The following SDK1 variants were observed in gnomAD, a reference collection of about 807,000 sequenced individuals.
SDK1 encodes protein sidekick-1.
A neutral mutation model predicts 245.5 loss-of-function variants in SDK1; 157 were observed. The ratio of observed to expected loss-of-function variants is 0.64; its 90% CI spans 0.56 to 0.73. The LOEUF (loss-of-function observed/expected upper bound fraction) is 0.73. SDK1 is among the 30% of genes least tolerant of loss of function. The probability of loss-of-function intolerance (pLI) is 0.00; values close to 1 mark genes in which losing one functional copy is unlikely to be tolerated. For missense variants in SDK1, 3,583 were observed against 3,002.3 expected (o/e 1.19, Z -4.52); for synonymous variants, 1,647 against 1,278.5 (o/e 1.29, Z -6.15).
At chr7:4,050,963 A>C (rs1027200611) in intron 18 of SDK1, among the ~76,000 whole-genome samples, 1 of 141,150 alleles carries the variant, frequency 7.1e-6, no homozygotes, top group Non-Finnish European at 1.5e-5. Context: ...TATATATACT[A>C]TATATGTTAT....
intron 5 of SDK1, among the ~76,000 whole-genome samples, chr7:3,917,825 G>A (rs900120576): frequency 6.6e-6 from 1 of 152,102 alleles, no homozygotes; most frequent in Non-Finnish European, 1.5e-5. Context: ...TATGTAGATA[G>A]CGTGGCAAGT....
At chr7:4,059,104 A>G (rs1779378705) in intron 19 of SDK1, among the ~76,000 whole-genome samples, 1 of 152,206 alleles carries the variant, frequency 6.6e-6, no homozygotes, top group Non-Finnish European at 1.5e-5. Context: ...CCTTGAATTT[A>G]AATAGATTAA....
intron 28 of SDK1, among the ~76,000 whole-genome samples, chr7:4,141,087 C>T (rs1779555620): frequency 6.6e-6 from 1 of 152,204 alleles, no homozygotes; most frequent in South Asian, 2.1e-4. Context: ...GCAAGGACCA[C>T]ACACGAAAAA....
At chr7:4,047,352 C>G (rs1789096600) in intron 17 of SDK1, among the ~76,000 whole-genome samples, 1 of 152,178 alleles carries the variant, frequency 6.6e-6, no homozygotes, top group African/African-American at 2.4e-5. Context: ...CTCGCTTGAT[C>G]AGGCTAGACT....
intron 4 of SDK1, among the ~76,000 whole-genome samples, chr7:3,745,065 A>G (rs1463105855): frequency 1.3e-5 from 2 of 152,116 alleles, no homozygotes; most frequent in Admixed American, 1.3e-4. Flanking sequence ...GTCTCAAATG[A>G]AAAACTCACA....
chr7:3,786,077 A>G (rs1365823662), intron 4 of SDK1, among the ~76,000 whole-genome samples: 1 of 152,200 alleles, frequency 6.6e-6, no homozygotes, highest in East Asian at 1.9e-4. Context: ...TTGCAGTGAA[A>G]TAGAGAGAGC....
chr7:3,716,356 C>T (rs1785201574), intron 4 of SDK1, among the ~76,000 whole-genome samples: 2 of 152,088 alleles, frequency 1.3e-5, no homozygotes. Context: ...ACTTAAACTT[C>T]TGTGTTGAAA....
At chr7:4,151,458 T>A (rs996433701) in intron 30 of SDK1, among the ~76,000 whole-genome samples, 1 of 152,100 alleles carries the variant, frequency 6.6e-6, no homozygotes, top group Non-Finnish European at 1.5e-5. Context: ...TGCTGGCGGG[T>A]TGGAATTTAG....
chr7:4,152,412 C>T (rs59401494), intron 30 of SDK1, among the ~76,000 whole-genome samples: 10,461 of 152,240 alleles, frequency 0.069, 836 homozygotes, highest in African/African-American at 0.19. Context: ...ACACAGGATG[C>T]TTAGCTTAAT....
At chr7:3,468,181 T>A (rs774357103) in intron 1 of SDK1, among the ~76,000 whole-genome samples, 4 of 152,206 alleles carry the variant, frequency 2.6e-5, no homozygotes, top group Non-Finnish European at 4.4e-5. Flanking sequence ...GCATCTGTTA[T>A]TCATGCTTTT....
At chr7:4,055,667 C>T (rs1267492132) in intron 19 of SDK1, among the ~76,000 whole-genome samples, 2 of 152,024 alleles carry the variant, frequency 1.3e-5, no homozygotes, top group South Asian at 4.2e-4. Context: ...CCTTCCTCTG[C>T]TTGCTTTGAG....
At chr7:3,725,404 G>A (rs1275280742) in intron 4 of SDK1, among the ~76,000 whole-genome samples, 1 of 152,140 alleles carries the variant, frequency 6.6e-6, no homozygotes, top group Non-Finnish European at 1.5e-5. Context: ...TAATCCTCTG[G>A]CTGTTCGCCT....
chr7:4,053,412 C>T (rs1472652894), intron 19 of SDK1, among the ~76,000 whole-genome samples: 1 of 152,116 alleles, frequency 6.6e-6, no homozygotes, highest in Non-Finnish European at 1.5e-5. Context: ...GGTCCTCCGT[C>T]ATCCTGTTCC....
intron 1 of SDK1, among the ~76,000 whole-genome samples, chr7:3,533,809 T>C (rs962980542): frequency 6.6e-6 from 1 of 152,130 alleles, no homozygotes; most frequent in African/African-American, 2.4e-5. Context: ...TTCACGATAA[T>C]TTTTTCTTAG....
chr7:3,940,634 G>C (rs1780323991), intron 5 of SDK1, among the ~76,000 whole-genome samples: 1 of 151,854 alleles, frequency 6.6e-6, no homozygotes, highest in Non-Finnish European at 1.5e-5. Context: ...ACCAGCCTGG[G>C]CAACACGATG....
intron 1 of SDK1, among the ~76,000 whole-genome samples, chr7:3,412,966 T>A (rs1779255355): frequency 6.6e-6 from 1 of 152,206 alleles, no homozygotes; most frequent in South Asian, 2.1e-4. Flanking sequence ...GTTACTTCTC[T>A]CTTGGAGTTT....
At chr7:4,039,915 C>T (rs1305206623) in intron 17 of SDK1, among the ~76,000 whole-genome samples, 2 of 152,028 alleles carry the variant, frequency 1.3e-5, no homozygotes, top group Non-Finnish European at 2.9e-5. Context: ...TAAACATAAT[C>T]ATACGTTTTA....
At position 3,879,590 on chromosome 7, in the gene SDK1, G is replaced by A. The variant is rs559782688; in HGVS notation, c.847+58007G>A. 3.1e-4 allele frequency among the ~76,000 whole-genome samples: 47 copies of A among 152,290 alleles called. No homozygotes were observed. The South Asian group carries it at 4.6e-3, about 15-fold the overall frequency. Reference sequence around the variant, plus strand: ...GCTCCTGGCAGCCAGCCACGCTCCCGGTACTCAGCCTCACTCAGCCATTCG... The same window carrying A: ...GCTCCTGGCAGCCAGCCACGCTCCCAGTACTCAGCCTCACTCAGCCATTCG... On this transcript the variant is annotated intron_variant, in intron 5 of 44. Coordinates refer to ENST00000404826, the MANE Select transcript of SDK1 (RefSeq NM_152744.4).
chr7:3,607,158 T>A (rs1030828976), intron 1 of SDK1, among the ~76,000 whole-genome samples: 3 of 152,134 alleles, frequency 2.0e-5, no homozygotes, highest in Non-Finnish European at 4.4e-5. Flanking sequence ...GCCCTTTTTT[T>A]TTTTAGTTTT....
Sources: gnomAD v4.1 joint callset for allele counts (sites outside exome capture counted in the v4.1 genomes callset) on GRCh38, gnomAD v4.1.1 for gene constraint, MANE v1.5 for transcripts, NCBI Gene and HGNC (gene_info 2026-07-23, HGNC 2026-07-21) for gene names.